The following FILIP1 variants were observed in gnomAD, a reference collection of about 807,000 sequenced individuals.
FILIP1 encodes filamin A interacting protein 1, also known as filamin-A-interacting protein 1.
In FILIP1, 61 loss-of-function variants were observed where a neutral mutation model predicts 102.1. The ratio of observed to expected loss-of-function variants is 0.60; its 90% CI spans 0.49 to 0.74. The LOEUF (loss-of-function observed/expected upper bound fraction) is 0.74, where lower values mean the gene tolerates loss of function less well. Among genes scored for constraint, FILIP1 ranks in the 30% least tolerant of loss-of-function variants. FILIP1 has a pLI of 0.00. For synonymous variants in FILIP1, 491 were observed against 526.9 expected, an observed-to-expected ratio of 0.93 and a Z score of 0.93; for missense variants, 1,314 against 1,441.2, an observed-to-expected ratio of 0.91 and a Z score of 1.43.
chr6:75,446,661 T>C (rs1252297897), intron 1 of FILIP1, among the ~76,000 whole-genome samples: 2 of 152,126 alleles, frequency 1.3e-5, no homozygotes, highest in Non-Finnish European at 2.9e-5. Context: ...TTTTGCATAG[T>C]TTCTAGCCGC....
Position 75,312,717 on chromosome 6 carries a change from C to A in FILIP1, c.3115G>T (p.Val1039Phe), listed in dbSNP as rs1440076087. Residue 1039 changes from valine (V) to phenylalanine (F), a missense_variant, in exon 5 of 6, where the codon GTC (valine) becomes TTC (phenylalanine). Transcript: ENST00000237172. ...EMPMGRTILK[V>F]TPEKQTVPTP... ...GGAACAGTCTGTTTTTCTGGGGTGA[C>A]TTTGAGGATTGTCCGTCCCATGGGC... 2.5e-6 allele frequency: 4 copies of A among 1,614,030 alleles called. No individual in the cohort carries two copies. Among genetic ancestry groups the A allele is most frequent in the African/African-American group, 1.3e-5 (1 of 74,880 alleles).
At chr6:75,398,183 CA>C (rs1776530892) in intron 2 of FILIP1, 1 of 152,144 alleles carries the variant, frequency 6.6e-6, no homozygotes, top group South Asian at 2.1e-4. Context: ...CAACAATTTT[CA>C]TCAGTACCCT....
At chr6:75,492,140 G>A (rs6902898) in intron 1 of FILIP1, among the ~76,000 whole-genome samples, 30,269 of 152,006 alleles carry the variant, frequency 0.2, 3,580 homozygotes, top group African/African-American at 0.33. Flanking sequence ...TATGTGATTC[G>A]CTTATGTACT....
chr6:75,474,913 C>G (rs1202411755), intron 1 of FILIP1, among the ~76,000 whole-genome samples: 2 of 151,740 alleles, frequency 1.3e-5, no homozygotes, highest in Non-Finnish European at 2.9e-5. Flanking sequence ...TGTGTGGCAC[C>G]CCCCACCCCC....
chr6:75,469,266 A>C (rs1165722654), intron 1 of FILIP1, among the ~76,000 whole-genome samples: 1 of 152,100 alleles, frequency 6.6e-6, no homozygotes, highest in Non-Finnish European at 1.5e-5. Context: ...GTTTTGTTTA[A>C]TAAATGTAGA....
intron 2 of FILIP1, among the ~76,000 whole-genome samples, chr6:75,402,816 C>T (rs983410626): frequency 2.6e-5 from 4 of 152,072 alleles, no homozygotes; most frequent in Admixed American, 2.0e-4. Flanking sequence ...ACTGTTAATT[C>T]ATTAACATTA....
chr6:75,370,876 C>T (rs1005630307), intron 2 of FILIP1, among the ~76,000 whole-genome samples: 2 of 151,926 alleles, frequency 1.3e-5, no homozygotes, highest in Middle Eastern at 3.2e-3. Context: ...TGTGCCCAGC[C>T]CACTTTCTTC....
At chr6:75,492,772 A>G (rs1780002179) in intron 1 of FILIP1, among the ~76,000 whole-genome samples, 1 of 152,236 alleles carries the variant, frequency 6.6e-6, no homozygotes, top group Admixed American at 6.5e-5. Context: ...AAAAGTACAC[A>G]AATATCATTA....
chr6:75,429,785 T>TGATACTGA (rs1230741372), intron 1 of FILIP1, among the ~76,000 whole-genome samples: 1 of 152,176 alleles, frequency 6.6e-6, no homozygotes, highest in Non-Finnish European at 1.5e-5. Context: ...CAAGGAAATA[T>TGATACTGA]GATACTGATC....
At chr6:75,315,950 A>C (rs1773430524) in intron 4 of FILIP1, among the ~76,000 whole-genome samples, 1 of 152,260 alleles carries the variant, frequency 6.6e-6, no homozygotes. Context: ...TCTGATACAA[A>C]CACTGATTTA....
At chr6:75,407,879 G>T (rs917649898) in intron 2 of FILIP1, among the ~76,000 whole-genome samples, 1 of 152,120 alleles carries the variant, frequency 6.6e-6, no homozygotes, top group African/African-American at 2.4e-5. Flanking sequence ...GAATTAGTTT[G>T]TCCCTTGTTC....
rs569616586 is a variant in FILIP1 at position 75,484,737 on chromosome 6, T to C, written c.-7+8677A>G. 2.0e-5 allele frequency among the ~76,000 whole-genome samples: 3 copies of C among 152,320 alleles called. No homozygotes were observed. In the South Asian group the frequency reaches 6.2e-4, roughly 32 times the overall value. ...GAGGTTTCCACTCCTTTTGGTTTCC[T>C]GTAAGGTATAGCTGTCCCCAGGACC... is the stretch of plus-strand genomic sequence containing the variant. On this transcript the variant is annotated intron_variant, in intron 1 of 5. Coordinates refer to ENST00000237172, the MANE Select transcript of FILIP1 (RefSeq NM_015687.5).
At chr6:75,407,200 C>G (rs901882490) in intron 2 of FILIP1, among the ~76,000 whole-genome samples, 2 of 152,020 alleles carry the variant, frequency 1.3e-5, no homozygotes, top group African/African-American at 4.8e-5. Flanking sequence ...TTCTAACAAT[C>G]CACAGACGAA....
Position 75,312,953 on chromosome 6 carries a change from A to G in FILIP1, c.2879T>C (p.Val960Ala), listed in dbSNP as rs1165354724. 2 of 1,613,898 alleles carry G rather than the reference A, an allele frequency of 1.2e-6. No homozygotes were observed. Among genetic ancestry groups the G allele is most frequent in the Admixed American group, 3.3e-5 (2 of 59,980 alleles). The change falls in exon 5 of 6, where the codon GTT (valine) becomes GCT (alanine). Residue 960 changes from valine to alanine, a missense_variant. Around this residue, in one of 3 missense-constraint regions of FILIP1, gnomAD observed 816 missense variants for 913.1 expected, o/e 0.89. Coordinates refer to ENST00000237172, the MANE Select transcript of FILIP1 (RefSeq NM_015687.5). ...TCCACTTTTTTGTTTTTGAGGCATAACGTTTGGTGATGGAATAATGGTTAT... is the reference window on the plus strand; with the variant it reads ...TCCACTTTTTTGTTTTTGAGGCATAGCGTTTGGTGATGGAATAATGGTTAT... ...PRITIIPSPN[V>A]MPQKQKSGDT...
intron 2 of FILIP1, among the ~76,000 whole-genome samples, chr6:75,394,183 C>T (rs576241883): frequency 1.8e-4 from 27 of 152,220 alleles, no homozygotes; most frequent in African/African-American, 6.5e-4. Flanking sequence ...CTATTAACTC[C>T]TTTCTGTTTG....
intron 2 of FILIP1, among the ~76,000 whole-genome samples, chr6:75,399,810 G>A (rs1185530950): frequency 6.6e-6 from 1 of 152,102 alleles, no homozygotes; most frequent in East Asian, 1.9e-4. Flanking sequence ...TTTTTCTTTT[G>A]TCATTTCATA....
rs7766256 is a variant in FILIP1 at position 75,396,508 on chromosome 6, C to A, written c.276+18189G>T. Among the ~76,000 whole-genome samples, 53 of 152,020 alleles carry A rather than the reference C, an allele frequency of 3.5e-4. 2 individuals are homozygous for A. Among genetic ancestry groups the A allele is most frequent in the Non-Finnish European group, 1.3e-4 (9 of 68,002 alleles). Reference sequence around the variant, plus strand: ...ACATTCTCTCCATTGCCTGGCATTCCGTAATTGCCTGTCAATTATACCCTT... The same window carrying A: ...ACATTCTCTCCATTGCCTGGCATTCAGTAATTGCCTGTCAATTATACCCTT... On this transcript the variant is annotated intron_variant, in intron 2 of 5. Transcript: ENST00000237172.
chr6:75,435,460 C>T (rs772008253), intron 1 of FILIP1, among the ~76,000 whole-genome samples: 1 of 152,224 alleles, frequency 6.6e-6, no homozygotes, highest in Admixed American at 6.5e-5. Flanking sequence ...ATGTTTGATT[C>T]GGCCCAGATT....
chr6:75,462,666 A>C (rs1779059645), intron 1 of FILIP1, among the ~76,000 whole-genome samples: 1 of 151,994 alleles, frequency 6.6e-6, no homozygotes, highest in African/African-American at 2.4e-5. Context: ...TGCTTCAACA[A>C]ATTTCTTTCC....
Sources: allele counts gnomAD v4.1 joint callset (sites outside exome capture counted in the v4.1 genomes callset), GRCh38; gene constraint gnomAD v4.1.1; regional missense constraint gnomAD v4.1.1; transcripts MANE v1.5; gene names NCBI Gene and HGNC (gene_info 2026-07-23, HGNC 2026-07-21).